The following CCR10 variants were observed in gnomAD, a reference collection of about 807,000 sequenced individuals.
CCR10 encodes the protein C-C chemokine receptor type 10.
Under a neutral mutation model 11.9 loss-of-function variants are expected in CCR10, and 11 were observed. That is an observed-to-expected ratio of 0.92 (90% CI 0.58 to 1.53). The LOEUF (loss-of-function observed/expected upper bound fraction) is 1.53, where lower values mean the gene tolerates loss of function less well. Ranked by LOEUF, CCR10 falls within the 40% of genes most tolerant of loss-of-function variation. The pLI is 0.00. For missense variants in CCR10, 428 were observed against 496.6 expected, an observed-to-expected ratio of 0.86 and a Z score of 1.31; for synonymous variants, 224 against 245.4, an observed-to-expected ratio of 0.91 and a Z score of 0.81.
In CCR10 at chr17:42,679,961, G is replaced by T. The variant is rs750772322; in HGVS notation, c.681C>A (p.Tyr227Ter). The change falls in exon 2 of 2, where the codon TAC becomes TAA. Residue 227 changes from tyrosine (Y) to a stop codon, truncating the protein, a stop_gained. Transcript: ENST00000332438. LOFTEE classifies it high-confidence loss of function. ...CCAGCAGCGTGCGGCCCAGAAGCGC[G>T]TAGCAGGCTACCATGACGCCCAGCG... ...ALPLGVMVAC[Y>*]ALLGRTLLAA... 2.6e-6 allele frequency: 4 copies of T among 1,562,812 alleles called. No individual in the cohort carries two copies. The African/African-American group carries it at 4.0e-5, about 16-fold the overall frequency.
chr17:42,680,667 A>G (rs374150942), intron 1 of CCR10, 50 bp from the exon 2 acceptor site: 14 of 1,301,914 alleles, frequency 1.1e-5, no homozygotes, highest in Non-Finnish European at 1.5e-5. Context: ...ATCTGACCAC[A>G]CAACTCCCCC....
chr17:42,681,087 G>T (rs1484718467), intron 1 of CCR10, among the ~76,000 whole-genome samples: 2 of 152,064 alleles, frequency 1.3e-5, no homozygotes, highest in African/African-American at 4.8e-5. Flanking sequence ...CACGATCTCG[G>T]CTCACTGCAA....
Position 42,679,965 on chromosome 17 carries a change from C to G in CCR10, c.677G>C (p.Cys226Ser). The change falls in exon 2 of 2, where the codon TGC becomes TCC. Residue 226 changes from cysteine (C) to serine (S), a missense_variant. By Grantham distance (112) the Cys-to-Ser change is moderately radical. Transcript: ENST00000332438. ...CAGCGTGCGGCCCAGAAGCGCGTAG[C>G]AGGCTACCATGACGCCCAGCGGCAG... ...FALPLGVMVA[C>S]YALLGRTLLA... The G allele has an allele frequency of 6.4e-7, 1 of 1,564,164 alleles. No homozygotes were observed. Among genetic ancestry groups the G allele is most frequent in the East Asian group, 2.3e-5 (1 of 43,042 alleles).
chr17:42,680,821 A>G (rs2052922716), intron 1 of CCR10, among the ~76,000 whole-genome samples: 1 of 152,132 alleles, frequency 6.6e-6, no homozygotes, highest in South Asian at 2.1e-4. Context: ...CTCTGCTTCC[A>G]GCTTCCTGGG....
At position 42,680,061 on chromosome 17, in the gene CCR10, A is replaced by G; in HGVS notation, c.581T>C (p.Ile194Thr). The G allele has an allele frequency of 2.5e-6, 4 of 1,603,650 alleles. No individual in the cohort carries two copies. The highest frequency in any genetic ancestry group is 3.4e-6 in the Non-Finnish European group (4 of 1,177,788). The change falls in exon 2 of 2, where the codon ATC becomes ACC. Residue 194 changes from isoleucine to threonine, a missense_variant. Coordinates refer to ENST00000332438, the MANE Select transcript of CCR10 (RefSeq NM_016602.3). The part of the protein sequence containing the change: ...QREGQRRCRL[I>T]FPEGLTQTVK... ...CGTCTGCGTGAGGCCCTCGGGGAAGATGAGGCGACAGCGTCGTTGGCCTTC... is the reference window on the plus strand; with the variant it reads ...CGTCTGCGTGAGGCCCTCGGGGAAGGTGAGGCGACAGCGTCGTTGGCCTTC...
At position 42,679,416 on chromosome 17, in the gene CCR10, C is replaced by T. The variant is rs2052900991; in HGVS notation, c.*137G>A. ...AATAGTAACAGTTGTTGGGTTGCAT[C>T]TCATTTCCATGTTATCAATTTAATG... is the stretch of plus-strand genomic sequence containing the variant. On this transcript the variant is annotated 3_prime_UTR_variant, in exon 2 of 2. Coordinates refer to ENST00000332438, the MANE Select transcript of CCR10 (RefSeq NM_016602.3). 2 of 561,174 alleles carry T rather than the reference C, an allele frequency of 3.6e-6. No individual in the cohort carries two copies. The highest frequency in any genetic ancestry group is 1.0e-4 in the South Asian group (2 of 19,152). The allele number at this position is 561,174 out of a possible 1,614,324, so 34.8% of individuals were successfully genotyped here.
At position 42,680,296 on chromosome 17, in the gene CCR10, T is replaced by C. The variant is rs2052913445; in HGVS notation, c.346A>G (p.Ile116Val). 1.9e-6 allele frequency: 3 copies of C among 1,558,310 alleles called. No homozygotes were observed. Among genetic ancestry groups the C allele is most frequent in the East Asian group, 2.4e-5 (1 of 41,522 alleles). ...AAGGAGGCCGAGTAGAGGCCAGAGA[T>C]GGTGCGGCAGGTGGCACTTCCCAGA... Reference protein sequence around the residue: ...WSLGSATCRTISGLYSASFHA... With the variant: ...WSLGSATCRTVSGLYSASFHA... Residue 116 changes from isoleucine (I) to valine (V), a missense_variant, in exon 2 of 2, where the codon ATC becomes GTC. Transcript: ENST00000332438.
In CCR10 at chr17:42,680,056, G is replaced by A. The variant is rs1196796497; in HGVS notation, c.586C>T (p.Pro196Ser). 6.2e-7 allele frequency: 1 copy of A among 1,601,968 alleles called. No individual in the cohort carries two copies. The highest frequency in any genetic ancestry group is 8.5e-7 in the Non-Finnish European group (1 of 1,177,260). The change falls in exon 2 of 2, where the codon CCC becomes TCC. Residue 196 changes from proline to serine, a missense_variant. Pro to Ser is a moderately conservative substitution (Grantham distance 74). Transcript: ENST00000332438. ...EGQRRCRLIFPEGLTQTVKGA... is the reference protein window; with the variant it reads ...EGQRRCRLIFSEGLTQTVKGA... ...TTCACCGTCTGCGTGAGGCCCTCGG[G>A]GAAGATGAGGCGACAGCGTCGTTGG...
In CCR10 at chr17:42,679,781, G is replaced by C; in HGVS notation, c.861C>G (p.Arg287=). The C allele has an allele frequency of 6.2e-7, 1 of 1,606,914 alleles. No individual in the cohort carries two copies. The highest frequency in any genetic ancestry group is 1.3e-5 in the African/African-American group (1 of 74,160). ...ARERSCPASK[R]KDVALLVTSG... is the part of the protein sequence containing the mutation. ...TGGTCACCAGCAGTGCGACATCCTT[G>C]CGTTTGCTGGCAGGGCAGCTCCGCT... is the stretch of plus-strand genomic sequence containing the variant. The change falls in exon 2 of 2, where the codon CGC becomes CGG. Residue 287 remains arginine, a synonymous_variant. Transcript: ENST00000332438.
chr17:42,680,964 A>T (rs988079621), intron 1 of CCR10, among the ~76,000 whole-genome samples: 1 of 152,158 alleles, frequency 6.6e-6, no homozygotes, highest in Non-Finnish European at 1.5e-5. Flanking sequence ...ATGGATGGGG[A>T]GAACCTGTGT....
chr17:42,681,667 A>G, intron 1 of CCR10, 133 bp downstream of exon 1: 1 of 742,950 alleles, frequency 1.3e-6, no homozygotes, highest in Non-Finnish European at 2.5e-6. Flanking sequence ...GAGGACCCCT[A>G]GTCTGAGACA....
intron 1 of CCR10, among the ~76,000 whole-genome samples, chr17:42,681,056 GC>G (rs2052926167): frequency 6.6e-6 from 1 of 151,960 alleles, no homozygotes; most frequent in South Asian, 2.1e-4. Flanking sequence ...TTGCTCTGTC[GC>G]CCAGGCTGGA....
In CCR10 at chr17:42,679,689, C is replaced by G; in HGVS notation, c.953G>C (p.Arg318Pro). 1 of 1,529,452 alleles carries G rather than the reference C, an allele frequency of 6.5e-7. No homozygotes were observed. The allele number at this position is 1,529,452 out of a possible 1,614,324, so 94.7% of individuals were successfully genotyped here. The stretch of plus-strand genomic sequence containing the variant: ...CCGTAGCAGCCTCCGCAGGTCCTGG[C>G]GGAAGCGCAGGCCCAGGAAGGCGTA... The part of the protein sequence containing the change: ...VLYAFLGLRF[R>P]QDLRRLLRGG... Residue 318 changes from arginine (R) to proline (P), a missense_variant, in exon 2 of 2, where the codon CGC (arginine) becomes CCC (proline). By Grantham distance (103) the Arg-to-Pro change is moderately radical. Transcript: ENST00000332438.
chr17:42,681,671 T>C, intron 1 of CCR10, 129 bp downstream of exon 1: 4 of 760,454 alleles, frequency 5.3e-6, no homozygotes, highest in Non-Finnish European at 9.5e-6. Flanking sequence ...ACCCCTAGTC[T>C]GAGACAGCGC....
Position 42,680,494 on chromosome 17 carries a change from T to G in CCR10, c.148A>C (p.Thr50Pro), listed in dbSNP as rs2052917093. 6.2e-7 allele frequency: 1 copy of G among 1,611,712 alleles called. No individual in the cohort carries two copies. Among genetic ancestry groups the G allele is most frequent in the African/African-American group, 1.3e-5 (1 of 74,876 alleles). Residue 50 changes from threonine to proline, a missense_variant, in exon 2 of 2, where the codon ACC (threonine) becomes CCC (proline). Thr to Pro is a conservative substitution (Grantham distance 38). Transcript: ENST00000332438. ...CCGGCCAGACCCAGCGCAGCCACGG[T>G]CAGGGAGACACTGGGTTGGAAGGCC... is the stretch of plus-strand genomic sequence containing the variant. ...SRAFQPSVSL[T>P]VAALGLAGNG... is the part of the protein sequence containing the mutation.
Position 42,680,577 on chromosome 17 carries a change from T to C in CCR10, c.65A>G (p.Tyr22Cys). The C allele has an allele frequency of 6.3e-7, 1 of 1,593,580 alleles. No homozygotes were observed. The highest frequency in any genetic ancestry group is 8.6e-7 in the Non-Finnish European group (1 of 1,169,458). ...GHYSGDEEDA[Y>C]SAEPLPELCY... ...AAGCTCCGGCAGTGGCTCAGCCGAG[T>C]ATGCGTCCTCTTCATCCCCAGAGTA... is the stretch of plus-strand genomic sequence containing the variant. Residue 22 changes from tyrosine to cysteine, a missense_variant, in exon 2 of 2, where the codon TAC (tyrosine) becomes TGC (cysteine). Physicochemically the swap from Tyr to Cys is radical, Grantham distance 194. Transcript: ENST00000332438.
At position 42,680,215 on chromosome 17, in the gene CCR10, C is replaced by T. The variant is rs1337486958; in HGVS notation, c.427G>A (p.Ala143Thr). ...CISADRYVAI[A>T]RALPAGPRPS... Reference sequence around the variant, plus strand: ...CGCGGCCCGGCTGGGAGCGCTCGCGCGATGGCCACGTAGCGGTCGGCGCTG... The same window carrying T: ...CGCGGCCCGGCTGGGAGCGCTCGCGTGATGGCCACGTAGCGGTCGGCGCTG... The change falls in exon 2 of 2, where the codon GCG becomes ACG. Residue 143 changes from alanine to threonine, a missense_variant. Physicochemically the swap from Ala to Thr is moderately conservative, Grantham distance 58. Coordinates refer to ENST00000332438, the MANE Select transcript of CCR10 (RefSeq NM_016602.3). 2.6e-5 allele frequency: 41 copies of T among 1,600,238 alleles called. No homozygotes were observed. The highest frequency in any genetic ancestry group is 3.1e-5 in the Non-Finnish European group (36 of 1,174,152).
intron 1 of CCR10, 61 bp from the exon 2 acceptor site, chr17:42,680,678 G>A (rs1001097202): frequency 1.1e-5 from 13 of 1,160,486 alleles, no homozygotes; most frequent in South Asian, 7.3e-5. Context: ...CAACTCCCCC[G>A]CCCACACTTG....
At position 42,679,694 on chromosome 17, in the gene CCR10, G is replaced by A. The variant is rs774395393; in HGVS notation, c.948C>T (p.Arg316=). Residue 316 remains arginine (R), a synonymous_variant, in exon 2 of 2, where the codon CGC becomes CGT. Coordinates refer to ENST00000332438, the MANE Select transcript of CCR10 (RefSeq NM_016602.3). The part of the protein sequence containing the change: ...NPVLYAFLGL[R]FRQDLRRLLR... ...GCAGCCTCCGCAGGTCCTGGCGGAAGCGCAGGCCCAGGAAGGCGTAGAGAA... is the reference window on the plus strand; with the variant it reads ...GCAGCCTCCGCAGGTCCTGGCGGAAACGCAGGCCCAGGAAGGCGTAGAGAA... 7.2e-6 allele frequency: 11 copies of A among 1,534,044 alleles called. No homozygotes were observed. Among genetic ancestry groups the A allele is most frequent in the Non-Finnish European group, 8.8e-6 (10 of 1,141,298 alleles).
Sources: allele counts gnomAD v4.1 joint callset (sites outside exome capture counted in the v4.1 genomes callset), GRCh38; gene constraint gnomAD v4.1.1; transcripts MANE v1.5; gene names NCBI Gene and HGNC (gene_info 2026-07-23, HGNC 2026-07-21).